Variants in STX8 observed in about 807,000 individuals in gnomAD.
STX8 encodes syntaxin 8.
In STX8, 23 loss-of-function variants were observed where a neutral mutation model predicts 37.5. The observed-to-expected ratio is 0.61, with a 90% CI of 0.44 to 0.87. The LOEUF (loss-of-function observed/expected upper bound fraction) is 0.87. Ranked by LOEUF, STX8 falls within the 40% of genes least tolerant of loss-of-function variation. The pLI, the probability that STX8 is intolerant of heterozygous loss-of-function variation, is 0.00. For synonymous variants in STX8, 115 were observed against 99.1 expected, an observed-to-expected ratio of 1.16 and a Z score of -0.95; for missense variants, 313 against 284.7, an observed-to-expected ratio of 1.10 and a Z score of -0.71.
intron 4 of STX8, among the ~76,000 whole-genome samples, chr17:9,536,897 C>T (rs1340843725): frequency 6.6e-6 from 1 of 152,092 alleles, no homozygotes; most frequent in African/African-American, 2.4e-5. Flanking sequence ...GCGCCCGCCA[C>T]CATGCCCGGC....
chr17:9,496,491 C>T (rs1904412633), intron 5 of STX8, among the ~76,000 whole-genome samples: 1 of 152,180 alleles, frequency 6.6e-6, no homozygotes. Flanking sequence ...TGTAACATAC[C>T]ACACTCTATC....
At chr17:9,321,951 A>G (rs1328535503) in intron 7 of STX8, among the ~76,000 whole-genome samples, 2 of 152,228 alleles carry the variant, frequency 1.3e-5, no homozygotes, top group Non-Finnish European at 2.9e-5. Context: ...ATTTGTTTAA[A>G]ACTGTGTAGA....
At position 9,471,031 on chromosome 17, in the gene STX8, C is replaced by CTTTTTTTTTTTTTTT. The variant is rs757411419; in HGVS notation, c.541+20783_541+20797dup. Among the ~76,000 whole-genome samples the CTTTTTTTTTTTTTTT allele has an allele frequency of 2.0e-3, 67 of 33,052 alleles. 15 individuals carry two copies. The highest frequency in any genetic ancestry group is 2.4e-3 in the Non-Finnish European group (44 of 18,052). 21.7% of individuals were successfully genotyped at this position (33,052 alleles called of 152,430 possible). ...TACAGGCGTGAGCCACTGCATCCTG[C>CTTTTTTTTTTTTTTT]TTTTTTTTTTTTTTTTTTTTTTTGA... On this transcript the variant is annotated intron_variant, in intron 6 of 7. Transcript: ENST00000306357.
intron 6 of STX8, among the ~76,000 whole-genome samples, chr17:9,434,092 C>T (rs1296582854): frequency 2.0e-5 from 3 of 152,142 alleles, no homozygotes; most frequent in Non-Finnish European, 2.9e-5. Flanking sequence ...CAACCTCCGC[C>T]TCCCAGGTTC....
chr17:9,456,922 A>C (rs1311547325), intron 6 of STX8, among the ~76,000 whole-genome samples: 1 of 152,184 alleles, frequency 6.6e-6, no homozygotes, highest in Non-Finnish European at 1.5e-5. Flanking sequence ...ACTATTCAGC[A>C]AACACTCATT....
chr17:9,288,579 G>A (rs1328476537), intron 7 of STX8, among the ~76,000 whole-genome samples: 4 of 152,110 alleles, frequency 2.6e-5, no homozygotes, highest in South Asian at 2.1e-4. Context: ...GGAGAATGCC[G>A]TGAACCCGGG....
chr17:9,263,551 C>T (rs186401138), intron 7 of STX8, among the ~76,000 whole-genome samples: 1 of 152,318 alleles, frequency 6.6e-6, no homozygotes. Context: ...ATGTCTTTCA[C>T]AGAGACCTAC....
At chr17:9,483,303 C>T (rs1390221476) in intron 6 of STX8, among the ~76,000 whole-genome samples, 1 of 152,154 alleles carries the variant, frequency 6.6e-6, no homozygotes, top group African/African-American at 2.4e-5. Flanking sequence ...AGCAGCGTAG[C>T]ATCCTGCTTC....
At chr17:9,305,402 G>A (rs553310047) in intron 7 of STX8, 3 of 152,154 alleles carry the variant, frequency 2.0e-5, no homozygotes, top group African/African-American at 7.2e-5. Context: ...AATTACATGA[G>A]ATATTAAATA....
chr17:9,505,119 G>C lies in STX8; in HGVS notation c.367C>G (p.Pro123Ala), dbSNP rs1048072628. 3.7e-6 allele frequency: 6 copies of C among 1,614,062 alleles called. No homozygotes were observed. ...SEEAKRGAPN[P>A]WLFEEPEETR... Reference sequence around the variant, plus strand: ...TCCTCTGGCTCCTCAAAGAGCCAAGGGTTGGGTGCTCCTCGCTTAGCCTCT... The same window carrying C: ...TCCTCTGGCTCCTCAAAGAGCCAAGCGTTGGGTGCTCCTCGCTTAGCCTCT... Residue 123 changes from proline (P) to alanine (A), a missense_variant, in exon 5 of 8, where the codon CCT (proline) becomes GCT (alanine). Physicochemically the swap from Pro to Ala is conservative, Grantham distance 27. Transcript: ENST00000306357.
intron 7 of STX8, among the ~76,000 whole-genome samples, chr17:9,267,444 A>G (rs1366999646): frequency 6.6e-6 from 1 of 152,160 alleles, no homozygotes; most frequent in Admixed American, 6.5e-5. Flanking sequence ...CCCATGTGTG[A>G]TGGCCTTCAG....
At chr17:9,296,518 T>C (rs1341290339) in intron 7 of STX8, among the ~76,000 whole-genome samples, 1 of 116,758 alleles carries the variant, frequency 8.6e-6, no homozygotes, top group Admixed American at 8.4e-5. Context: ...AAAAAAAATG[T>C]ATATTAGTGT....
rs1466754349 is a variant in STX8 at position 9,505,074 on chromosome 17, C to G, written c.412G>C (p.Asp138His). 5 of 1,606,452 alleles carry G rather than the reference C, an allele frequency of 3.1e-6. No individual in the cohort carries two copies. The highest frequency in any genetic ancestry group is 3.4e-6 in the Non-Finnish European group (4 of 1,175,404). ...TTCTGCTGCTGTTGCCGGATTTCAT[C>G]AAAACCCAAGCCTCTGGTCTCCTCT... ...EPEETRGLGF[D>H]EIRQQQQKII... The change falls in exon 5 of 8, where the codon GAT (aspartate) becomes CAT (histidine). Residue 138 changes from aspartate to histidine, a missense_variant. Physicochemically the swap from Asp to His is moderately conservative, Grantham distance 81. Transcript: ENST00000306357.
chr17:9,511,991 T>C (rs558841043), intron 4 of STX8, among the ~76,000 whole-genome samples: 3 of 151,282 alleles, frequency 2.0e-5, no homozygotes, highest in Non-Finnish European at 2.9e-5. Context: ...TCATTTACAA[T>C]AGCAATCCCC....
rs1281236669 is a variant in STX8 at position 9,507,040 on chromosome 17, C to T, written c.324-1878G>A. Among the ~76,000 whole-genome samples the T allele has an allele frequency of 6.6e-6, 1 of 151,982 alleles. No individual in the cohort carries two copies. Among genetic ancestry groups the T allele is most frequent in the Non-Finnish European group, 1.5e-5 (1 of 68,000 alleles). ...CCCTCTGCACTTTCAGCCACAGAAA[C>T]AGTCCCACCCAGGGCAAACCCACTC... is the stretch of plus-strand genomic sequence containing the variant. On this transcript the variant is annotated intron_variant, in intron 4 of 7. Transcript: ENST00000306357. This position sits in a 1 kb window ranked among gnomAD's most constrained non-coding sequence, Gnocchi z 4.0.
At chr17:9,466,263 G>A (rs895614276) in intron 6 of STX8, among the ~76,000 whole-genome samples, 4 of 152,158 alleles carry the variant, frequency 2.6e-5, no homozygotes, top group East Asian at 1.9e-4. Context: ...GAGCCATCAC[G>A]CCCAGCTATT....
At chr17:9,511,955 T>C (rs1846712557) in intron 4 of STX8, among the ~76,000 whole-genome samples, 1 of 151,892 alleles carries the variant, frequency 6.6e-6, no homozygotes, top group Non-Finnish European at 1.5e-5. Context: ...AATGAACTAG[T>C]TGAAAAAGAA....
intron 6 of STX8, among the ~76,000 whole-genome samples, chr17:9,384,668 CA>C (rs1214417061): frequency 1.3e-5 from 2 of 151,732 alleles, no homozygotes; most frequent in Non-Finnish European, 2.9e-5. Context: ...CAAAACAGAA[CA>C]AAACAAGTTG....
At chr17:9,333,544 C>A (rs11654705) in intron 7 of STX8, among the ~76,000 whole-genome samples, 4 of 151,856 alleles carry the variant, frequency 2.6e-5, no homozygotes, top group East Asian at 1.9e-4. Context: ...CCCGCCACCA[C>A]GCCCAGCTAA....
Sources: allele counts gnomAD v4.1 joint callset (sites outside exome capture counted in the v4.1 genomes callset), GRCh38; gene constraint gnomAD v4.1.1; non-coding constraint Gnocchi (gnomAD v3.1); transcripts MANE v1.5; gene names NCBI Gene and HGNC (gene_info 2026-07-23, HGNC 2026-07-21).